RPAP1: variants seen among roughly 807,000 people sequenced by gnomAD.
RPAP1 encodes RNA polymerase II-associated protein 1.
In RPAP1, 109 loss-of-function variants were observed where a neutral mutation model predicts 142.4. That is an observed-to-expected ratio of 0.77 (90% CI 0.66 to 0.90). The LOEUF (loss-of-function observed/expected upper bound fraction) is 0.90. Ranked by LOEUF, RPAP1 falls within the 40% of genes least tolerant of loss-of-function variation. The probability of loss-of-function intolerance (pLI) is 0.00; values close to 1 mark genes in which losing one functional copy is unlikely to be tolerated. For missense variants in RPAP1, 1,546 were observed against 1,751.7 expected (o/e 0.88, Z 2.10); for synonymous variants, 704 against 738.9 (o/e 0.95, Z 0.77).
rs371204478 is a variant in RPAP1 at position 41,536,458 on chromosome 15, T to C, written c.330+43A>G. 17 of 1,607,204 alleles carry C rather than the reference T, an allele frequency of 1.1e-5. No homozygotes were observed. In the African/African-American group the frequency reaches 2.1e-4, roughly 20 times the overall value. On this transcript the variant is annotated intron_variant, in intron 3 of 24. Coordinates refer to ENST00000304330, the MANE Select transcript of RPAP1 (RefSeq NM_015540.4). Reference sequence around the variant, plus strand: ...CACCCCGAGCATCCAATATCCCTGTTGCCCTAGAACATCTTATCCTACTCA... The same window carrying C: ...CACCCCGAGCATCCAATATCCCTGTCGCCCTAGAACATCTTATCCTACTCA...
At chr15:41,539,856 G>A (rs2051953625) in intron 1 of RPAP1, among the ~76,000 whole-genome samples, 1 of 151,786 alleles carries the variant, frequency 6.6e-6, no homozygotes, top group African/African-American at 2.4e-5. Context: ...CCAACATGGT[G>A]AAGTCTCTAC....
intron 17 of RPAP1, 111 bp downstream of exon 17, chr15:41,523,659 AG>A: frequency 1.1e-6 from 1 of 924,400 alleles, no homozygotes; most frequent in Non-Finnish European, 1.7e-6. Flanking sequence ...AAGGGAAGAT[AG>A]TAAATGGGGA....
At chr15:41,540,560 C>T (rs957149786) in intron 1 of RPAP1, among the ~76,000 whole-genome samples, 1 of 152,212 alleles carries the variant, frequency 6.6e-6, no homozygotes, top group Non-Finnish European at 1.5e-5. Context: ...CTCTGCCTCC[C>T]AAAGTGCTGG....
chr15:41,542,825 A>G (rs1282263832), intron 1 of RPAP1, among the ~76,000 whole-genome samples: 1 of 152,212 alleles, frequency 6.6e-6, no homozygotes, highest in African/African-American at 2.4e-5. Flanking sequence ...TATTATTTAT[A>G]TAGCCAAAGG....
intron 9 of RPAP1, among the ~76,000 whole-genome samples, chr15:41,529,054 G>A (rs2051822531): frequency 6.6e-6 from 1 of 152,132 alleles, no homozygotes; most frequent in African/African-American, 2.4e-5. Flanking sequence ...AAGATTTTGA[G>A]CCTAAGAAAC....
rs976854994 is a variant in RPAP1, at chr15:41,517,435, T to C, written c.*107A>G. 9 of 1,095,672 alleles carry C rather than the reference T, an allele frequency of 8.2e-6. No individual in the cohort carries two copies. The Admixed American group carries it at 1.9e-4, about 23-fold the overall frequency. The allele number at this position is 1,095,672 out of a possible 1,614,324, so 67.9% of individuals were successfully genotyped here. On this transcript the variant is annotated 3_prime_UTR_variant, in exon 25 of 25. Coordinates refer to ENST00000304330, the MANE Select transcript of RPAP1 (RefSeq NM_015540.4). ...CCAGGAAGGCAAGCCTTCTGCTCCT[T>C]GGTCTCCTGCCTACCATTAGGACAC...
rs766982015 is a variant in RPAP1 at position 41,522,755 on chromosome 15, C to T, written c.2742+10G>A. The T allele has an allele frequency of 1.6e-5, 25 of 1,546,264 alleles. No individual in the cohort carries two copies. In the African/African-American group the frequency reaches 2.8e-4, roughly 18 times the overall value. On this transcript the variant is annotated intron_variant, in intron 19 of 24. Coordinates refer to ENST00000304330, the MANE Select transcript of RPAP1 (RefSeq NM_015540.4). The stretch of plus-strand genomic sequence containing the variant: ...CTTGCCTGGCCCCTAATCAGGCACC[C>T]CACACTTACCTGGCCACACAGCCCC...
At chr15:41,539,937 G>T (rs1366143194) in intron 1 of RPAP1, among the ~76,000 whole-genome samples, 1 of 152,064 alleles carries the variant, frequency 6.6e-6, no homozygotes, top group Non-Finnish European at 1.5e-5. Context: ...GGAGGCTGAG[G>T]CAGAAGAATC....
At chr15:41,521,249 G>T in intron 21 of RPAP1, 102 bp from the exon 22 acceptor site, 1 of 1,165,856 alleles carries the variant, frequency 8.6e-7, no homozygotes, top group Non-Finnish European at 1.2e-6. Context: ...GTCCAGACCT[G>T]TGCCTCTCTG....
At position 41,524,087 on chromosome 15, in the gene RPAP1, A is replaced by G; in HGVS notation, c.2234+9T>C. 1.9e-6 allele frequency: 3 copies of G among 1,590,300 alleles called. No homozygotes were observed. Among genetic ancestry groups the G allele is most frequent in the Non-Finnish European group, 2.6e-6 (3 of 1,165,418 alleles). The stretch of plus-strand genomic sequence containing the variant: ...TCCACCTGTCCTGTGGGTCCTGGCT[A>G]TAAACTACCTGATGGTTTCAGCAGG... On this transcript the variant is annotated intron_variant, in intron 16 of 24. Transcript: ENST00000304330.
intron 19 of RPAP1, 43 bp from the exon 20 acceptor site, chr15:41,522,293 A>G (rs1020253847): frequency 6.3e-7 from 1 of 1,586,180 alleles, no homozygotes; most frequent in Non-Finnish European, 8.6e-7. Flanking sequence ...ATTGACTCTC[A>G]TGCCTTCTAG....
chr15:41,525,162 C>A lies in RPAP1; in HGVS notation c.1918-14G>T. On this transcript the variant is annotated splice_polypyrimidine_tract_variant and intron_variant, in intron 14 of 24. Transcript: ENST00000304330. ...AAAGCTGCTCAACTGGAAATGGGCA[C>A]AGTCTGAGGATCAGGGTCAGCTGTG... 1 of 1,597,622 alleles carries A rather than the reference C, an allele frequency of 6.3e-7. No individual in the cohort carries two copies. Among genetic ancestry groups the A allele is most frequent in the South Asian group, 1.1e-5 (1 of 87,710 alleles).
chr15:41,525,523 G>C (rs1182778743), intron 14 of RPAP1, among the ~76,000 whole-genome samples: 1 of 151,958 alleles, frequency 6.6e-6, no homozygotes, highest in Admixed American at 6.6e-5. Context: ...ATTTTTAGTA[G>C]AGACGGGGTT....
chr15:41,534,817 A>G lies in RPAP1; in HGVS notation c.660T>C (p.Ala220=). The G allele has an allele frequency of 1.9e-6, 3 of 1,614,064 alleles. No individual in the cohort carries two copies. The highest frequency in any genetic ancestry group is 2.5e-6 in the Non-Finnish European group (3 of 1,180,008). ...VTGKGLRDQE[A]EQEAQTIHEE... ...CATGGATAGTCTGGGCTTCCTGCTC[A>G]GCTTCTTGATCCCTGAGCCCCTTCC... Residue 220 remains alanine, a synonymous_variant, in exon 6 of 25, where the codon GCT becomes GCC. Transcript: ENST00000304330.
At chr15:41,540,304 A>T (rs1379538298) in intron 1 of RPAP1, among the ~76,000 whole-genome samples, 1 of 144,848 alleles carries the variant, frequency 6.9e-6, no homozygotes, top group Non-Finnish European at 1.5e-5. Context: ...GGTTACTACT[A>T]TTTTTTTTTT....
In RPAP1 at chr15:41,520,587, C is replaced by T. The variant is rs759479518; in HGVS notation, c.3599G>A (p.Arg1200Gln). Residue 1200 changes from arginine to glutamine, a missense_variant, in exon 22 of 25, where the codon CGA becomes CAA. Transcript: ENST00000304330. ...QVLPNLNLDC[R>Q]LPGLTSFPDL... ...AGGGAAAGACGTCAGGCCAGGGAGTCGGCAGTCCAGGTTGAGGTTTGGCAA... is the reference window on the plus strand; with the variant it reads ...AGGGAAAGACGTCAGGCCAGGGAGTTGGCAGTCCAGGTTGAGGTTTGGCAA... 23 of 1,614,068 alleles carry T rather than the reference C, an allele frequency of 1.4e-5. No individual in the cohort carries two copies. The highest frequency in any genetic ancestry group is 5.3e-5 in the African/African-American group (4 of 74,916).
At chr15:41,519,822 T>C (rs2051705041) in intron 22 of RPAP1, 1 of 156,054 alleles carries the variant, frequency 6.4e-6, no homozygotes, top group Non-Finnish European at 1.4e-5. Context: ...TTCACAACTA[T>C]GTAGGTTTTC....
chr15:41,523,446 C>A, intron 17 of RPAP1, 92 bp from the exon 18 acceptor site: 1 of 841,974 alleles, frequency 1.2e-6, no homozygotes, highest in Non-Finnish European at 1.9e-6. Context: ...TCCCAACAGC[C>A]CAAAAGAGCA....
intron 1 of RPAP1, among the ~76,000 whole-genome samples, chr15:41,543,376 A>C (rs375458224): frequency 1.8e-4 from 28 of 151,410 alleles, no homozygotes; most frequent in African/African-American, 5.6e-4. Flanking sequence ...CGCCCGGCTA[A>C]TTTTTTGTAT....
Sources: allele counts gnomAD v4.1 joint callset (sites outside exome capture counted in the v4.1 genomes callset), GRCh38; gene constraint gnomAD v4.1.1; transcripts MANE v1.5; gene names NCBI Gene and HGNC (gene_info 2026-07-23, HGNC 2026-07-21).